The following DOCK4 variants were observed in gnomAD, a reference collection of about 807,000 sequenced individuals.
DOCK4 encodes the protein dedicator of cytokinesis 4.
In DOCK4, 97 loss-of-function variants were observed where a neutral mutation model predicts 268.1. The observed-to-expected ratio is 0.36, with a 90% CI of 0.31 to 0.43. DOCK4 has a LOEUF of 0.43. Among genes scored for constraint, DOCK4 ranks in the 20% least tolerant of loss-of-function variants. DOCK4 has a pLI of 1.00. For missense variants in DOCK4, 2,145 were observed against 2,455.7 expected, an observed-to-expected ratio of 0.87 and a Z score of 2.67; for synonymous variants, 954 against 887.2, an observed-to-expected ratio of 1.08 and a Z score of -1.34.
chr7:111,732,155 A>G, intron 52 of DOCK4, 71 bp downstream of exon 52: 1 of 1,468,090 alleles, frequency 6.8e-7, no homozygotes, highest in South Asian at 1.2e-5. Flanking sequence ...CTTTTGATAT[A>G]TCTGGGATGA....
At chr7:111,934,027 G>C (rs921259252) in intron 12 of DOCK4, among the ~76,000 whole-genome samples, 1 of 152,190 alleles carries the variant, frequency 6.6e-6, no homozygotes, top group African/African-American at 2.4e-5. Context: ...CTAATTGCCA[G>C]GTGATCTGGA....
Position 111,783,851 on chromosome 7 carries a change from G to T in DOCK4, c.3524+6C>A, listed in dbSNP as rs1798966195. The T allele has an allele frequency of 6.3e-7, 1 of 1,593,838 alleles. No homozygotes were observed. The highest frequency in any genetic ancestry group is 8.6e-7 in the Non-Finnish European group (1 of 1,169,388). On this transcript the variant is annotated splice_donor_region_variant and intron_variant, in intron 34 of 52. Coordinates refer to ENST00000428084, the MANE Select transcript of DOCK4 (RefSeq NM_001363540.2). ...GGAGTTCAGAAAAACATGCGACTTG[G>T]CTTACCTGTAATCTAACAACCTCTC...
chr7:112,196,831 C>G (rs1017575808), intron 1 of DOCK4, among the ~76,000 whole-genome samples: 1 of 152,106 alleles, frequency 6.6e-6, no homozygotes, highest in Non-Finnish European at 1.5e-5. Context: ...TTGATATCAC[C>G]TTAAATATAC....
chr7:111,758,469 C>T (rs1160673669), intron 41 of DOCK4, among the ~76,000 whole-genome samples, 155 bp downstream of exon 41: 3 of 152,190 alleles, frequency 2.0e-5, no homozygotes, highest in South Asian at 2.1e-4. Context: ...CTCTGATGCA[C>T]GTGGAGCTGC....
chr7:111,983,524 T>C (rs987305529), intron 7 of DOCK4, among the ~76,000 whole-genome samples: 1 of 152,112 alleles, frequency 6.6e-6, no homozygotes, highest in Non-Finnish European at 1.5e-5. Flanking sequence ...ACTTAGTTAA[T>C]ATCAAGATAT....
intron 35 of DOCK4, 62 bp from the exon 36 acceptor site, chr7:111,778,431 T>G (rs1466111949): frequency 1.9e-6 from 2 of 1,041,726 alleles, no homozygotes; most frequent in Admixed American, 2.0e-5. Context: ...ATTATCTGCC[T>G]TTTACTCTGC....
intron 1 of DOCK4, among the ~76,000 whole-genome samples, chr7:112,126,646 T>C (rs1008823041): frequency 2.0e-5 from 3 of 152,122 alleles, no homozygotes; most frequent in East Asian, 1.9e-4. Context: ...AGAAAATTTT[T>C]GCAACCTACT....
chr7:112,099,719 G>GTGCA (rs1166187732), intron 1 of DOCK4, among the ~76,000 whole-genome samples: 8 of 152,146 alleles, frequency 5.3e-5, no homozygotes, highest in Non-Finnish European at 1.0e-4. Flanking sequence ...CTCATAATAT[G>GTGCA]TGCATATAAG....
intron 1 of DOCK4, among the ~76,000 whole-genome samples, chr7:112,103,354 C>T (rs931322979): frequency 6.6e-6 from 1 of 152,068 alleles, no homozygotes; most frequent in South Asian, 2.1e-4. Context: ...AACTGGAGCC[C>T]GGAGAAGTCC....
At position 111,984,405 on chromosome 7, in the gene DOCK4, G is replaced by T. The variant is rs762328645; in HGVS notation, c.465-15C>A. On this transcript the variant is annotated splice_polypyrimidine_tract_variant and intron_variant, in intron 6 of 52. Coordinates refer to ENST00000428084, the MANE Select transcript of DOCK4 (RefSeq NM_001363540.2). ...GTCCCAGTTGTCTAGAAAACAAATT[G>T]CAAAAGTTTGGGGGAAAAGTTACCT... 7 of 1,605,586 alleles carry T rather than the reference G, an allele frequency of 4.4e-6. No individual in the cohort carries two copies. Among genetic ancestry groups the T allele is most frequent in the Non-Finnish European group, 6.0e-6 (7 of 1,176,174 alleles).
intron 24 of DOCK4, among the ~76,000 whole-genome samples, chr7:111,846,093 T>C (rs1293252310): frequency 6.6e-6 from 1 of 152,190 alleles, no homozygotes; most frequent in Non-Finnish European, 1.5e-5. Flanking sequence ...CTGCCAACTC[T>C]GTTCCCACGC....
chr7:111,879,985 T>C (rs924202040), intron 16 of DOCK4, among the ~76,000 whole-genome samples: 2 of 151,814 alleles, frequency 1.3e-5, no homozygotes, highest in African/African-American at 2.4e-5. Flanking sequence ...AAAGAGGAGG[T>C]AGAGAAAGAG....
At chr7:112,175,357 T>C (rs1336504517) in intron 1 of DOCK4, among the ~76,000 whole-genome samples, 2 of 152,208 alleles carry the variant, frequency 1.3e-5, no homozygotes, top group East Asian at 1.9e-4. Context: ...TTAAAAAACC[T>C]GAAAAAGCTC....
At chr7:112,149,298 G>A (rs1273998495) in intron 1 of DOCK4, among the ~76,000 whole-genome samples, 1 of 152,058 alleles carries the variant, frequency 6.6e-6, no homozygotes, top group Admixed American at 6.6e-5. Context: ...CAAGCAAACA[G>A]CCCATAGGCT....
chr7:111,842,690 C>G (rs1803793761), intron 25 of DOCK4, among the ~76,000 whole-genome samples: 1 of 152,186 alleles, frequency 6.6e-6, no homozygotes, highest in South Asian at 2.1e-4. Context: ...TCCCTCCCCA[C>G]TGGGGTGGTG....
intron 23 of DOCK4, among the ~76,000 whole-genome samples, chr7:111,859,912 C>T (rs1477804091): frequency 6.6e-6 from 1 of 152,110 alleles, no homozygotes; most frequent in East Asian, 1.9e-4. Flanking sequence ...TAGGCTTAAC[C>T]CTTTTACCTT....
chr7:112,157,252 A>G lies in DOCK4; in HGVS notation c.37+48850T>C, dbSNP rs144432281. ...AAACCTCATATGTGTTTTGGCCTCC[A>G]ACAGCCTGGCAACCAAGCAATGAGA... On this transcript the variant is annotated intron_variant, in intron 1 of 52. Transcript: ENST00000428084. Among the ~76,000 whole-genome samples the G allele has an allele frequency of 2.6e-3, 396 of 152,246 alleles. 4 individuals carry two copies. Among genetic ancestry groups the G allele is most frequent in the Middle Eastern group, 0.024 (7 of 294 alleles).
intron 11 of DOCK4, among the ~76,000 whole-genome samples, chr7:111,938,847 C>A (rs1371820642): frequency 2.0e-5 from 3 of 151,870 alleles, no homozygotes; most frequent in Admixed American, 2.0e-4. Context: ...TGGTGGCATG[C>A]GCCTGTAATC....
Position 111,844,747 on chromosome 7 carries a change from T to A in DOCK4, c.2736+16A>T, listed in dbSNP as rs1803958217. ...ACCAGGCCCTGTTCCACGTGCCATC[T>A]GCTCTATGATCTTACAGTGACATCC... On this transcript the variant is annotated intron_variant, in intron 25 of 52. Coordinates refer to ENST00000428084, the MANE Select transcript of DOCK4 (RefSeq NM_001363540.2). 1 of 1,606,370 alleles carries A rather than the reference T, an allele frequency of 6.2e-7. No individual in the cohort carries two copies. The highest frequency in any genetic ancestry group is 1.1e-5 in the South Asian group (1 of 89,536).
Sources: gnomAD v4.1 joint callset for allele counts (sites outside exome capture counted in the v4.1 genomes callset) on GRCh38, gnomAD v4.1.1 for gene constraint, MANE v1.5 for transcripts, NCBI Gene and HGNC (gene_info 2026-07-23, HGNC 2026-07-21) for gene names.